Variants in CAMKMT observed in about 807,000 individuals in gnomAD.
The protein encoded by CAMKMT is calmodulin-lysine N-methyltransferase, also known as CaM KMT.
CAMKMT carries 53 observed loss-of-function variants against 48.0 expected under a neutral mutation model. That is an observed-to-expected ratio of 1.10 (90% CI 0.89 to 1.39). The LOEUF (loss-of-function observed/expected upper bound fraction) is 1.39. Among genes scored for constraint, CAMKMT ranks in the 40% most tolerant of loss-of-function variants. The pLI, the probability that CAMKMT is intolerant of heterozygous loss-of-function variation, is 0.00. For missense variants in CAMKMT, 428 were observed against 402.7 expected (o/e 1.06, Z -0.54); for synonymous variants, 165 against 152.3 (o/e 1.08, Z -0.61).
intron 3 of CAMKMT, among the ~76,000 whole-genome samples, chr2:44,398,032 C>A (rs1211657398): frequency 6.6e-6 from 1 of 152,132 alleles, no homozygotes; most frequent in Non-Finnish European, 1.5e-5. Context: ...TTCCCCCGAG[C>A]AAATACTGAG....
At chr2:44,584,471 A>T (rs1004494507) in intron 3 of CAMKMT, among the ~76,000 whole-genome samples, 2 of 152,214 alleles carry the variant, frequency 1.3e-5, no homozygotes, top group Admixed American at 1.3e-4. Context: ...AAACAGTTTC[A>T]TTGATAATTT....
chr2:44,467,087 C>T (rs1162302947), intron 3 of CAMKMT, among the ~76,000 whole-genome samples: 3 of 151,894 alleles, frequency 2.0e-5, no homozygotes, highest in Non-Finnish European at 4.4e-5. Context: ...CCTGTCTATA[C>T]AAAAAATAAA....
intron 3 of CAMKMT, among the ~76,000 whole-genome samples, chr2:44,644,427 T>A (rs1260331062): frequency 1.3e-5 from 2 of 152,204 alleles, no homozygotes; most frequent in East Asian, 1.9e-4. Context: ...CTCTAAAAAA[T>A]TATCACGTTT....
intron 7 of CAMKMT, among the ~76,000 whole-genome samples, chr2:44,718,887 C>A (rs1678311834): frequency 6.6e-6 from 1 of 151,938 alleles, no homozygotes; most frequent in Non-Finnish European, 1.5e-5. Context: ...TTTTTATAAC[C>A]CAAACTTTAC....
At chr2:44,507,210 A>T (rs1670307147) in intron 3 of CAMKMT, among the ~76,000 whole-genome samples, 1 of 152,196 alleles carries the variant, frequency 6.6e-6, no homozygotes, top group Non-Finnish European at 1.5e-5. Context: ...CTTCTATAGC[A>T]AGTCTGTTAG....
intron 3 of CAMKMT, among the ~76,000 whole-genome samples, chr2:44,486,965 A>T (rs1241814222): frequency 6.6e-5 from 10 of 152,176 alleles, no homozygotes; most frequent in Non-Finnish European, 1.5e-4. Flanking sequence ...ATGCTTAACT[A>T]TGTGTTTCAC....
chr2:44,447,811 A>T (rs1160635953), intron 3 of CAMKMT, among the ~76,000 whole-genome samples: 1 of 152,194 alleles, frequency 6.6e-6, no homozygotes, highest in Non-Finnish European at 1.5e-5. Flanking sequence ...CCGCCCAAAA[A>T]ATCTGTGACC....
intron 3 of CAMKMT, among the ~76,000 whole-genome samples, chr2:44,459,078 A>G (rs965866252): frequency 1.3e-5 from 2 of 151,762 alleles, no homozygotes; most frequent in African/African-American, 4.8e-5. Context: ...CAGCTGCTCT[A>G]CCTCTGTAGA....
At chr2:44,678,298 G>A (rs1397435708) in intron 3 of CAMKMT, among the ~76,000 whole-genome samples, 4 of 152,180 alleles carry the variant, frequency 2.6e-5, no homozygotes, top group African/African-American at 7.2e-5. Context: ...AAATGGGGAT[G>A]GTGCTAGTTC....
At chr2:44,395,521 T>C (rs1161101626) in intron 3 of CAMKMT, among the ~76,000 whole-genome samples, 1 of 152,134 alleles carries the variant, frequency 6.6e-6, no homozygotes, top group Non-Finnish European at 1.5e-5. Context: ...TATGGGTCAT[T>C]GCTCTGTTTT....
At chr2:44,737,123 C>T (rs1056169096) in intron 7 of CAMKMT, among the ~76,000 whole-genome samples, 9 of 151,812 alleles carry the variant, frequency 5.9e-5, no homozygotes, top group South Asian at 4.2e-4. Context: ...TGAGATTTTG[C>T]GTTTGTTTTA....
chr2:44,498,686 GTTCTGT>G (rs1346598076), intron 3 of CAMKMT, among the ~76,000 whole-genome samples: 1 of 152,168 alleles, frequency 6.6e-6, no homozygotes, highest in Non-Finnish European at 1.5e-5. Flanking sequence ...CTGGAAAGCT[GTTCTGT>G]TTGCTAAACA....
chr2:44,488,593 A>G (rs1669324840), intron 3 of CAMKMT, among the ~76,000 whole-genome samples: 2 of 151,886 alleles, frequency 1.3e-5, no homozygotes, highest in Non-Finnish European at 2.9e-5. Flanking sequence ...TCCCAGCTAC[A>G]CAGGAGGCTG....
chr2:44,465,568 CAAA>C (rs56885024), intron 3 of CAMKMT, among the ~76,000 whole-genome samples: 1 of 133,398 alleles, frequency 7.5e-6, no homozygotes, highest in Non-Finnish European at 1.6e-5. Context: ...TGTACTCTGT[CAAA>C]AAAAAAAAAA....
intron 3 of CAMKMT, among the ~76,000 whole-genome samples, chr2:44,426,293 A>G (rs1085449): frequency 0.59 from 89,160 of 152,028 alleles, 26,956 homozygotes; most frequent in Non-Finnish European, 0.67. Flanking sequence ...AAGGATGCCC[A>G]TTCTTACCAC....
At chr2:44,403,157 T>C (rs1682547028) in intron 3 of CAMKMT, among the ~76,000 whole-genome samples, 1 of 152,168 alleles carries the variant, frequency 6.6e-6, no homozygotes, top group Admixed American at 6.5e-5. Flanking sequence ...GGTGTTTCCC[T>C]TGAGCTGGCC....
At chr2:44,593,684 G>T (rs1670458497) in intron 3 of CAMKMT, among the ~76,000 whole-genome samples, 1 of 151,640 alleles carries the variant, frequency 6.6e-6, no homozygotes, top group Admixed American at 6.6e-5. Context: ...TTTAGGTGAG[G>T]GAGTAAATCT....
At chr2:44,408,698 T>C (rs1183335196) in intron 3 of CAMKMT, among the ~76,000 whole-genome samples, 1 of 152,064 alleles carries the variant, frequency 6.6e-6, no homozygotes, top group Non-Finnish European at 1.5e-5. Flanking sequence ...GGAAAGCTAG[T>C]ATTCAGAAAC....
chr2:44,697,122 A>G (rs1017615334), intron 3 of CAMKMT, among the ~76,000 whole-genome samples: 47 of 152,202 alleles, frequency 3.1e-4, no homozygotes, highest in African/African-American at 1.1e-3. Flanking sequence ...GAAATAATCG[A>G]TGATACTTTG....
Sources: gnomAD v4.1 joint callset for allele counts (sites outside exome capture counted in the v4.1 genomes callset) on GRCh38, gnomAD v4.1.1 for gene constraint, MANE v1.5 for transcripts, NCBI Gene and HGNC (gene_info 2026-07-23, HGNC 2026-07-21) for gene names.